The following EDIL3 variants were observed in gnomAD, a reference collection of about 807,000 sequenced individuals.
EDIL3 encodes EGF-like repeat and discoidin I-like domain-containing protein 3.
Under a neutral mutation model 67.4 loss-of-function variants are expected in EDIL3, and 37 were observed. The ratio of observed to expected loss-of-function variants is 0.55; its 90% CI spans 0.42 to 0.72. The LOEUF (loss-of-function observed/expected upper bound fraction) is 0.72. EDIL3 is among the 30% of genes least tolerant of loss of function. EDIL3 has a pLI of 0.00. For synonymous variants in EDIL3, 195 were observed against 196.3 expected, an observed-to-expected ratio of 0.99 and a Z score of 0.05; for missense variants, 527 against 586.3, an observed-to-expected ratio of 0.90 and a Z score of 1.04.
intron 1 of EDIL3, among the ~76,000 whole-genome samples, chr5:84,364,448 A>C (rs1260101069): frequency 6.6e-6 from 1 of 152,138 alleles, no homozygotes; most frequent in Non-Finnish European, 1.5e-5. Context: ...TACCTACATG[A>C]GATTGTGTAT....
chr5:84,372,124 G>A (rs1456835734), intron 1 of EDIL3, among the ~76,000 whole-genome samples: 1 of 152,048 alleles, frequency 6.6e-6, no homozygotes, highest in Non-Finnish European at 1.5e-5. Flanking sequence ...GCACATCCTT[G>A]GAATTCTCTT....
At chr5:84,018,309 C>T (rs566257371) in intron 9 of EDIL3, among the ~76,000 whole-genome samples, 1 of 152,278 alleles carries the variant, frequency 6.6e-6, no homozygotes, top group East Asian at 1.9e-4. Flanking sequence ...ATTGGGCCAA[C>T]ATACAAATCC....
At chr5:84,207,332 C>T (rs1744003515) in intron 3 of EDIL3, among the ~76,000 whole-genome samples, 1 of 152,146 alleles carries the variant, frequency 6.6e-6, no homozygotes, top group Non-Finnish European at 1.5e-5. Flanking sequence ...AGGAATCCAA[C>T]TTACAAGGGA....
chr5:84,035,163 GTA>G (rs528658034), intron 9 of EDIL3, among the ~76,000 whole-genome samples: 1 of 151,236 alleles, frequency 6.6e-6, no homozygotes, highest in African/African-American at 2.4e-5. Flanking sequence ...ATTCATTGGA[GTA>G]TATATATATA....
chr5:84,366,368 G>C (rs534995742), intron 1 of EDIL3, among the ~76,000 whole-genome samples: 1 of 152,046 alleles, frequency 6.6e-6, no homozygotes, highest in South Asian at 2.1e-4. Context: ...TACAAGTCAG[G>C]CTCTATTATT....
intron 1 of EDIL3, among the ~76,000 whole-genome samples, chr5:84,318,009 TA>T: frequency 6.6e-6 from 1 of 152,108 alleles, no homozygotes; most frequent in South Asian, 2.1e-4. Flanking sequence ...GACATTCCTA[TA>T]CAGCAATAAC....
chr5:83,976,746 T>C (rs1744883340), intron 9 of EDIL3, among the ~76,000 whole-genome samples: 1 of 151,774 alleles, frequency 6.6e-6, no homozygotes, highest in African/African-American at 2.4e-5. Flanking sequence ...TCCTAAATTG[T>C]TTATTGTGCC....
At chr5:84,235,249 T>C (rs550658137) in intron 2 of EDIL3, among the ~76,000 whole-genome samples, 46 of 152,286 alleles carry the variant, frequency 3.0e-4, no homozygotes, top group African/African-American at 1.1e-3. Context: ...AGATGATTAG[T>C]TTCCTCTGGC....
intron 1 of EDIL3, among the ~76,000 whole-genome samples, chr5:84,352,449 A>G (rs113830882): frequency 6.6e-6 from 1 of 152,160 alleles, no homozygotes; most frequent in South Asian, 2.1e-4. Flanking sequence ...CACACACACC[A>G]TGGGATTCTA....
intron 1 of EDIL3, among the ~76,000 whole-genome samples, chr5:84,254,575 C>A (rs766281926): frequency 6.6e-6 from 1 of 152,176 alleles, no homozygotes; most frequent in Non-Finnish European, 1.5e-5. Flanking sequence ...TATATCCACA[C>A]AGTTTACTCT....
At chr5:84,075,886 G>GTACGCA (rs1554066711) in intron 6 of EDIL3, among the ~76,000 whole-genome samples, 1 of 51,544 alleles carries the variant, frequency 1.9e-5, no homozygotes, top group South Asian at 7.5e-4. Context: ...GCAAAAGTGT[G>GTACGCA]CACGCACACA....
At chr5:84,128,075 T>A (rs1032386815) in intron 5 of EDIL3, among the ~76,000 whole-genome samples, 1 of 152,110 alleles carries the variant, frequency 6.6e-6, no homozygotes, top group African/African-American at 2.4e-5. Context: ...CTTTATGACT[T>A]ACATGCTGCT....
chr5:84,335,644 A>C (rs1475295955), intron 1 of EDIL3, among the ~76,000 whole-genome samples: 1 of 152,206 alleles, frequency 6.6e-6, no homozygotes, highest in Non-Finnish European at 1.5e-5. Context: ...CCAGCTTGTG[A>C]AATAAATAAT....
chr5:84,039,431 A>G (rs1561411614), intron 9 of EDIL3, among the ~76,000 whole-genome samples: 1 of 152,222 alleles, frequency 6.6e-6, no homozygotes, highest in Non-Finnish European at 1.5e-5. Flanking sequence ...ATAGAGATTA[A>G]AACTTTTGAT....
chr5:84,338,012 C>T (rs1561261722), intron 1 of EDIL3, among the ~76,000 whole-genome samples: 1 of 152,116 alleles, frequency 6.6e-6, no homozygotes, highest in African/African-American at 2.4e-5. Context: ...GACCTATACA[C>T]ATAGATAAAT....
At chr5:83,985,754 A>T (rs1469940654) in intron 9 of EDIL3, among the ~76,000 whole-genome samples, 1 of 151,860 alleles carries the variant, frequency 6.6e-6, no homozygotes, top group Non-Finnish European at 1.5e-5. Context: ...GGTAAAATAT[A>T]TAATTACCTA....
At chr5:84,020,076 C>CAAAAA (rs9293362) in intron 9 of EDIL3, among the ~76,000 whole-genome samples, 38,820 of 127,686 alleles carry the variant, frequency 0.3, 7,380 homozygotes, top group Non-Finnish European at 0.4. Context: ...ATCTTTTGTA[C>CAAAAA]AAAAAAAAAA....
chr5:84,296,011 T>C (rs1746045169), intron 1 of EDIL3, among the ~76,000 whole-genome samples: 1 of 152,236 alleles, frequency 6.6e-6, no homozygotes, highest in Admixed American at 6.5e-5. Context: ...CTTTGATTTC[T>C]GCATTGGCAA....
At chr5:84,166,008 C>A (rs1748697322) in intron 4 of EDIL3, among the ~76,000 whole-genome samples, 1 of 152,078 alleles carries the variant, frequency 6.6e-6, no homozygotes, top group African/African-American at 2.4e-5. Flanking sequence ...TTTCCATCTG[C>A]CCTCTCTCCT....
Sources: allele counts gnomAD v4.1 joint callset (sites outside exome capture counted in the v4.1 genomes callset), GRCh38; gene constraint gnomAD v4.1.1; transcripts MANE v1.5; gene names NCBI Gene and HGNC (gene_info 2026-07-23, HGNC 2026-07-21).